FAAH2: variants seen among roughly 807,000 people sequenced by gnomAD.
FAAH2 encodes the protein fatty acid amide hydrolase 2.
FAAH2 carries 60 observed loss-of-function variants against 36.9 expected under a neutral mutation model. The ratio of observed to expected loss-of-function variants is 1.63; its 90% CI spans 1.32 to 2.02. The LOEUF (loss-of-function observed/expected upper bound fraction) is 2.02, where lower values mean the gene tolerates loss of function less well. Among genes scored for constraint, FAAH2 ranks in the 30% most tolerant of loss-of-function variants. The pLI is 0.00. For synonymous variants in FAAH2, 214 were observed against 143.8 expected (o/e 1.49, Z -3.49); for missense variants, 689 against 397.5 (o/e 1.73, Z -6.23).
chrX:57,472,323 A>G (rs141887729), intron 10 of FAAH2, among the ~76,000 whole-genome samples: 163 of 112,164 alleles, frequency 1.5e-3, no homozygotes, highest in African/African-American at 5.1e-3. Flanking sequence ...AAAATGGGAG[A>G]AAATTTTTGC....
At chrX:57,252,368 C>T in the FAAH2 span, among the ~76,000 whole-genome samples, 2 of 112,479 alleles carry the variant, frequency 1.8e-5, no homozygotes, top group African/African-American at 6.5e-5. Flanking sequence ...CCCTGACAGA[C>T]AGCTCTGAAG....
chrX:57,310,115 G>A (rs1473929352), intron 2 of FAAH2, among the ~76,000 whole-genome samples: 1 of 111,762 alleles, frequency 8.9e-6, no homozygotes, highest in South Asian at 3.7e-4. Flanking sequence ...TTTAACAATT[G>A]CCATTCTGAC....
chrX:57,447,676 G>T (rs979721550), intron 9 of FAAH2, among the ~76,000 whole-genome samples: 2 of 112,004 alleles, frequency 1.8e-5, no homozygotes, highest in African/African-American at 6.5e-5. Context: ...CTCAATCTTG[G>T]CCCCTTTTAG....
intron 5 of FAAH2, among the ~76,000 whole-genome samples, chrX:57,370,879 C>T (rs908254852): frequency 9.0e-6 from 1 of 111,484 alleles, no homozygotes; most frequent in Non-Finnish European, 1.9e-5. Context: ...TCTCACCTCA[C>T]AGTGCATGTA....
intron 7 of FAAH2, among the ~76,000 whole-genome samples, chrX:57,422,507 C>T (rs1183223413): frequency 8.9e-6 from 1 of 112,203 alleles, no homozygotes; most frequent in African/African-American, 3.2e-5. Context: ...AAATTATGCA[C>T]TGCAGAGCTG....
At chrX:57,459,074 C>A (rs1266082669) in intron 10 of FAAH2, among the ~76,000 whole-genome samples, 5 of 112,432 alleles carry the variant, frequency 4.4e-5, no homozygotes, top group Non-Finnish European at 7.5e-5. Flanking sequence ...AGCTAAGAAC[C>A]ACTGGCTTGA....
At chrX:57,481,824 G>A (rs1438164690) in intron 10 of FAAH2, among the ~76,000 whole-genome samples, 1 of 112,258 alleles carries the variant, frequency 8.9e-6, no homozygotes, top group Non-Finnish European at 1.9e-5. Context: ...CAGCAGGCCA[G>A]AATGATGAAA....
At chrX:57,308,270 T>G (rs2052599318) in intron 2 of FAAH2, among the ~76,000 whole-genome samples, 1 of 111,903 alleles carries the variant, frequency 8.9e-6, no homozygotes, top group African/African-American at 3.2e-5. Flanking sequence ...ACATTCCCTT[T>G]TCTCTGCAGC....
chrX:57,431,787 G>GTTTCTTTTT (rs1556012971), intron 7 of FAAH2, 131 bp from the exon 8 acceptor site: 1 of 122,888 alleles, frequency 8.1e-6, no homozygotes, highest in African/African-American at 3.9e-5. Context: ...TTGTTTTTTT[G>GTTTCTTTTT]TTTTTTTTGG....
the FAAH2 span, among the ~76,000 whole-genome samples, chrX:57,180,858 T>A: frequency 9.0e-6 from 1 of 111,336 alleles, no homozygotes; most frequent in African/African-American, 3.3e-5. Context: ...CAGGCCAATA[T>A]CCTTCATGAA....
At chrX:57,145,321 T>A in the FAAH2 span, among the ~76,000 whole-genome samples, 2 of 111,347 alleles carry the variant, frequency 1.8e-5, no homozygotes, top group Non-Finnish European at 3.8e-5. Flanking sequence ...GTGATGTTGA[T>A]CATTTTTTAT....
chrX:57,405,208 G>C (rs750755568), intron 7 of FAAH2, among the ~76,000 whole-genome samples: 2 of 111,385 alleles, frequency 1.8e-5, no homozygotes, highest in African/African-American at 3.3e-5. Flanking sequence ...ATGTTACCGG[G>C]GGATCCTTGC....
At chrX:57,482,438 T>C (rs991435478) in intron 10 of FAAH2, among the ~76,000 whole-genome samples, 5 of 111,603 alleles carry the variant, frequency 4.5e-5, no homozygotes, top group African/African-American at 1.3e-4. Context: ...GGGAAAAGCA[T>C]AGTAACCTAG....
chrX:57,268,865 G>A, the FAAH2 span, among the ~76,000 whole-genome samples: 1 of 111,625 alleles, frequency 9.0e-6, no homozygotes, highest in African/African-American at 3.3e-5. Context: ...ACAAGATGAT[G>A]ACAGGATCAA....
At chrX:57,157,809 T>G in the FAAH2 span, among the ~76,000 whole-genome samples, 8 of 109,753 alleles carry the variant, frequency 7.3e-5, no homozygotes, top group Non-Finnish European at 1.3e-4. Flanking sequence ...TCAGTTTAAT[T>G]TTTATTTTTT....
chrX:57,333,599 T>TA (rs60693418), intron 4 of FAAH2, among the ~76,000 whole-genome samples: 6,953 of 104,189 alleles, frequency 0.067, 362 homozygotes, highest in African/African-American at 0.17. Flanking sequence ...ATGCTAGAAA[T>TA]AAAAAAAAAA....
At chrX:57,377,505 A>G (rs1285521894) in intron 5 of FAAH2, among the ~76,000 whole-genome samples, 1 of 112,029 alleles carries the variant, frequency 8.9e-6, no homozygotes. Context: ...TTTGGTCTAT[A>G]TCTCTGTCTT....
intron 1 of FAAH2, among the ~76,000 whole-genome samples, chrX:57,287,861 C>A (rs1050258831): frequency 9.0e-6 from 1 of 111,140 alleles, no homozygotes; most frequent in African/African-American, 3.3e-5. Flanking sequence ...AAAGAATAGG[C>A]ATGCAGCAAA....
chrX:57,213,669 T>C, the FAAH2 span, among the ~76,000 whole-genome samples: 1 of 112,324 alleles, frequency 8.9e-6, no homozygotes, highest in East Asian at 2.8e-4. Context: ...TTTCCAGTTG[T>C]GTTCCACTGT....
Sources: gnomAD v4.1 joint callset for allele counts (sites outside exome capture counted in the v4.1 genomes callset) on GRCh38, gnomAD v4.1.1 for gene constraint, MANE v1.5 for transcripts, NCBI Gene and HGNC (gene_info 2026-07-23, HGNC 2026-07-21) for gene names.